The following CNTN4 variants were observed in gnomAD, a reference collection of about 807,000 sequenced individuals.
CNTN4 encodes contactin-4.
Under a neutral mutation model 122.5 loss-of-function variants are expected in CNTN4, and 77 were observed. That is an observed-to-expected ratio of 0.63 (90% CI 0.52 to 0.76). CNTN4 has a LOEUF of 0.76. CNTN4 is among the 30% of genes least tolerant of loss of function. CNTN4 has a pLI of 0.00. For missense variants in CNTN4, 1,256 were observed against 1,259.1 expected (o/e 1.00, Z 0.04); for synonymous variants, 512 against 447.0 (o/e 1.15, Z -1.83).
At chr3:2,896,625 A>G (rs572396372) in intron 10 of CNTN4, among the ~76,000 whole-genome samples, 2 of 152,290 alleles carry the variant, frequency 1.3e-5, no homozygotes, top group Non-Finnish European at 1.5e-5. Context: ...GAAAATGACT[A>G]TTTCTCGTGC....
chr3:2,169,563 G>A (rs931249571), intron 2 of CNTN4, among the ~76,000 whole-genome samples: 8 of 149,660 alleles, frequency 5.3e-5, no homozygotes, highest in East Asian at 4.0e-4. Flanking sequence ...CCGCCACCAC[G>A]CCCGGCTGAT....
intron 13 of CNTN4, among the ~76,000 whole-genome samples, chr3:2,935,130 G>A (rs1309473611): frequency 2.0e-5 from 3 of 152,152 alleles, no homozygotes; most frequent in Non-Finnish European, 2.9e-5. Context: ...TTCTATGTGG[G>A]TATAGTATGG....
chr3:2,317,540 C>T (rs894492896), intron 2 of CNTN4, among the ~76,000 whole-genome samples: 7 of 152,108 alleles, frequency 4.6e-5, no homozygotes, highest in Non-Finnish European at 8.8e-5. Context: ...ATTATCATAC[C>T]CATTGGTTCG....
At chr3:2,388,971 A>G (rs2150859590) in intron 3 of CNTN4, among the ~76,000 whole-genome samples, 1 of 152,104 alleles carries the variant, frequency 6.6e-6, no homozygotes, top group African/African-American at 2.4e-5. Flanking sequence ...CAGCCTGGCC[A>G]ACATGGTGAA....
chr3:2,153,614 C>T (rs1426167847), intron 2 of CNTN4, among the ~76,000 whole-genome samples: 1 of 152,112 alleles, frequency 6.6e-6, no homozygotes, highest in Non-Finnish European at 1.5e-5. Flanking sequence ...ACAATGGCCT[C>T]CTCACAAAAG....
intron 2 of CNTN4, among the ~76,000 whole-genome samples, chr3:2,310,179 T>G (rs1260264016): frequency 6.6e-6 from 1 of 152,064 alleles, no homozygotes; most frequent in Non-Finnish European, 1.5e-5. Flanking sequence ...GGGGAAAGAG[T>G]ATTACAGCAA....
chr3:2,665,117 G>C (rs559372066), intron 4 of CNTN4, among the ~76,000 whole-genome samples: 2 of 152,274 alleles, frequency 1.3e-5, no homozygotes, highest in South Asian at 4.1e-4. Context: ...AGGGACTGAT[G>C]ATGTAGGACA....
Position 2,781,983 on chromosome 3 carries a change from A to G in CNTN4, c.358+36286A>G, listed in dbSNP as rs377558129. Among the ~76,000 whole-genome samples, 519 of 151,348 alleles carry G rather than the reference A, an allele frequency of 3.4e-3. 1 individual carries two copies. The highest frequency in any genetic ancestry group is 5.1e-3 in the Admixed American group (78 of 15,174). On this transcript the variant is annotated intron_variant, in intron 6 of 24. Transcript: ENST00000418658. ...CGTGATCCCCCCGCCTCGGCCTCCCAAAGTGCTGAGATTACAGGCATGAGC... is the reference window on the plus strand; with the variant it reads ...CGTGATCCCCCCGCCTCGGCCTCCCGAAGTGCTGAGATTACAGGCATGAGC...
intron 2 of CNTN4, among the ~76,000 whole-genome samples, chr3:2,154,803 C>A (rs1227009605): frequency 1.3e-5 from 2 of 152,158 alleles, no homozygotes; most frequent in Admixed American, 6.5e-5. Context: ...ATTTAACAAA[C>A]AATACAGAAA....
Position 2,355,275 on chromosome 3 carries a change from G to A in CNTN4, c.-89+16042G>A, listed in dbSNP as rs144798909. Among the ~76,000 whole-genome samples, 14 of 152,316 alleles carry A rather than the reference G, an allele frequency of 9.2e-5. No homozygotes were observed. In the East Asian group the frequency reaches 2.5e-3, roughly 27 times the overall value. ...TATTTTGCTCAAGATCACCTAGCGAGTCAATCAATGAGCTAAAATTACAAT... is the reference window on the plus strand; with the variant it reads ...TATTTTGCTCAAGATCACCTAGCGAATCAATCAATGAGCTAAAATTACAAT... On this transcript the variant is annotated intron_variant, in intron 3 of 24. Coordinates refer to ENST00000418658, the MANE Select transcript of CNTN4 (RefSeq NM_175607.3).
chr3:2,180,734 C>G (rs766607317), intron 2 of CNTN4, among the ~76,000 whole-genome samples: 1 of 152,060 alleles, frequency 6.6e-6, no homozygotes, highest in Non-Finnish European at 1.5e-5. Context: ...GACTATCACG[C>G]ACACTTACAG....
intron 13 of CNTN4, among the ~76,000 whole-genome samples, chr3:2,975,651 A>G (rs1693351106): frequency 6.6e-6 from 1 of 152,068 alleles, no homozygotes; most frequent in South Asian, 2.1e-4. Flanking sequence ...TTTATTTCTA[A>G]TTATTTCTAG....
intron 4 of CNTN4, among the ~76,000 whole-genome samples, chr3:2,628,624 G>A (rs934419174): frequency 1.3e-5 from 2 of 152,104 alleles, no homozygotes; most frequent in Admixed American, 6.5e-5. Context: ...ATCCGTGTCG[G>A]TGAAATGAGA....
chr3:2,591,900 C>T (rs1376652183), intron 4 of CNTN4, among the ~76,000 whole-genome samples: 1 of 151,986 alleles, frequency 6.6e-6, no homozygotes, highest in Non-Finnish European at 1.5e-5. Context: ...TTTTTTGAGG[C>T]AGGGTCTCGT....
chr3:2,932,240 T>C (rs536085187), intron 13 of CNTN4, among the ~76,000 whole-genome samples: 6 of 151,768 alleles, frequency 4.0e-5, no homozygotes, highest in East Asian at 1.9e-4. Flanking sequence ...TAGCCGGGCG[T>C]GGTGGTGGGC....
At chr3:3,016,601 G>A (rs972591326) in intron 14 of CNTN4, among the ~76,000 whole-genome samples, 1 of 152,166 alleles carries the variant, frequency 6.6e-6, no homozygotes, top group East Asian at 1.9e-4. Flanking sequence ...TTGTGACCAA[G>A]TTAGAGACTT....
intron 10 of CNTN4, among the ~76,000 whole-genome samples, chr3:2,890,904 A>G (rs1464281149): frequency 6.6e-6 from 1 of 152,240 alleles, no homozygotes; most frequent in Non-Finnish European, 1.5e-5. Context: ...TCCTAAAAAT[A>G]GATTTATTTT....
chr3:2,122,071 C>T (rs547290429), intron 2 of CNTN4, among the ~76,000 whole-genome samples: 2 of 151,084 alleles, frequency 1.3e-5, no homozygotes, highest in Admixed American at 6.6e-5. Context: ...AGGAGAATGG[C>T]GGGAACCCGG....
chr3:2,316,954 T>A (rs951460501), intron 2 of CNTN4, among the ~76,000 whole-genome samples: 6 of 152,298 alleles, frequency 3.9e-5, no homozygotes, highest in Middle Eastern at 3.4e-3. Flanking sequence ...TTCCTCTAAT[T>A]TCCCTTTTGT....
Sources: gnomAD v4.1 joint callset for allele counts (sites outside exome capture counted in the v4.1 genomes callset) on GRCh38, gnomAD v4.1.1 for gene constraint, MANE v1.5 for transcripts, NCBI Gene and HGNC (gene_info 2026-07-23, HGNC 2026-07-21) for gene names.